Variants in EXOC4 observed in about 807,000 individuals in gnomAD.
EXOC4 encodes SEC8-like 1.
In EXOC4, 71 loss-of-function variants were observed where a neutral mutation model predicts 107.2. That is an observed-to-expected ratio of 0.66 (90% CI 0.55 to 0.81). The LOEUF (loss-of-function observed/expected upper bound fraction) is 0.81. Ranked by LOEUF, EXOC4 falls within the 30% of genes least tolerant of loss-of-function variation. The probability of loss-of-function intolerance (pLI) is 0.00; values close to 1 mark genes in which losing one functional copy is unlikely to be tolerated. For synonymous variants in EXOC4, 456 were observed against 441.2 expected, an observed-to-expected ratio of 1.03 and a Z score of -0.42; for missense variants, 1,108 against 1,189.6, an observed-to-expected ratio of 0.93 and a Z score of 1.01.
chr7:133,270,490 A>C (rs1299071977), intron 1 of EXOC4, among the ~76,000 whole-genome samples: 1 of 152,174 alleles, frequency 6.6e-6, no homozygotes, highest in African/African-American at 2.4e-5. Context: ...CAGTTGAAGA[A>C]ACTGGAGGTG....
At chr7:133,517,551 C>T (rs1482471734) in intron 9 of EXOC4, among the ~76,000 whole-genome samples, 1 of 152,172 alleles carries the variant, frequency 6.6e-6, no homozygotes, top group Admixed American at 6.5e-5. Flanking sequence ...ACAATCATGG[C>T]TGAAGGTGAA....
chr7:133,657,924 T>G (rs1365029189), intron 10 of EXOC4, among the ~76,000 whole-genome samples: 1 of 152,160 alleles, frequency 6.6e-6, no homozygotes, highest in Non-Finnish European at 1.5e-5. Context: ...AGGAATAAAA[T>G]AGACATGAGT....
intron 10 of EXOC4, among the ~76,000 whole-genome samples, chr7:133,662,924 G>A (rs766738891): frequency 2.4e-4 from 36 of 152,094 alleles, no homozygotes; most frequent in South Asian, 4.1e-4. Flanking sequence ...GACCTGCTTC[G>A]TTTTTATAAG....
chr7:133,340,423 CTTT>C (rs200341512), intron 5 of EXOC4, among the ~76,000 whole-genome samples: 2 of 129,558 alleles, frequency 1.5e-5, no homozygotes, highest in African/African-American at 2.8e-5. Context: ...TAGTATTTTT[CTTT>C]TTTTTTTTTT....
At chr7:133,763,218 C>G (rs1796069225) in intron 10 of EXOC4, among the ~76,000 whole-genome samples, 1 of 152,134 alleles carries the variant, frequency 6.6e-6, no homozygotes, top group South Asian at 2.1e-4. Context: ...GCCACAGCCT[C>G]TGCTTCCAGG....
chr7:133,816,340 T>C (rs1181090827), intron 10 of EXOC4, among the ~76,000 whole-genome samples: 1 of 152,132 alleles, frequency 6.6e-6, no homozygotes, highest in South Asian at 2.1e-4. Flanking sequence ...AATAATAAAT[T>C]TATTTTGTTA....
At chr7:133,384,485 C>T (rs1311757539) in intron 7 of EXOC4, among the ~76,000 whole-genome samples, 1 of 152,082 alleles carries the variant, frequency 6.6e-6, no homozygotes, top group Admixed American at 6.6e-5. Flanking sequence ...TAAGTGTGCT[C>T]ATCAAGATTT....
In EXOC4 at chr7:133,642,493, C is replaced by CG. The variant is rs546495032; in HGVS notation, c.1514+12352_1514+12353insG. On this transcript the variant is annotated intron_variant, in intron 10 of 17. Transcript: ENST00000253861. ...AAGTTCTACTTAGAAGATCCTTGTC[C>CG]CTCTTACCCCACACGTCTAGTGTTG... Among the ~76,000 whole-genome samples the CG allele has an allele frequency of 6.6e-5, 10 of 152,288 alleles. No individual in the cohort carries two copies. In the South Asian group the frequency reaches 2.1e-3, roughly 32 times the overall value.
At chr7:134,090,369 T>G in the EXOC4 span, among the ~76,000 whole-genome samples, 1 of 152,196 alleles carries the variant, frequency 6.6e-6, no homozygotes, top group Non-Finnish European at 1.5e-5. Context: ...CTGACCAGTT[T>G]GTTGGGCCAT....
intron 10 of EXOC4, among the ~76,000 whole-genome samples, chr7:133,812,205 G>C (rs1797249515): frequency 6.6e-6 from 1 of 152,112 alleles, no homozygotes; most frequent in South Asian, 2.1e-4. Context: ...CCTCATCAGA[G>C]TTTATGTAAG....
chr7:133,289,023 C>T lies in EXOC4; in HGVS notation c.378C>T (p.Asn126=), dbSNP rs529493969. The change falls in exon 3 of 18, where the codon AAC becomes AAT. Residue 126 remains asparagine (N), a synonymous_variant. Coordinates refer to ENST00000253861, the MANE Select transcript of EXOC4 (RefSeq NM_021807.4). ...GAATTGAGCATAAGCATGTCCTGAA[C>T]TTGTTGGATGAAATTGAGAATATCA... ...IEGIEHKHVL[N]LLDEIENIKQ... 1.2e-6 allele frequency: 2 copies of T among 1,614,178 alleles called. No individual in the cohort carries two copies. Among genetic ancestry groups the T allele is most frequent in the South Asian group, 1.1e-5 (1 of 91,070 alleles).
chr7:133,980,798 C>T (rs562074625), intron 14 of EXOC4, among the ~76,000 whole-genome samples: 4 of 138,698 alleles, frequency 2.9e-5, no homozygotes, highest in African/African-American at 1.0e-4. Flanking sequence ...TCTATATGAA[C>T]TGTTAATTAT....
At chr7:133,755,781 C>T (rs886313127) in intron 10 of EXOC4, among the ~76,000 whole-genome samples, 1 of 152,152 alleles carries the variant, frequency 6.6e-6, no homozygotes, top group Admixed American at 6.5e-5. Flanking sequence ...TGCTCAACCA[C>T]CCTGAGCCTC....
At chr7:133,453,842 G>A (rs754268442) in intron 7 of EXOC4, among the ~76,000 whole-genome samples, 1 of 152,022 alleles carries the variant, frequency 6.6e-6, no homozygotes, top group African/African-American at 2.4e-5. Context: ...TATATGTTAA[G>A]TGCATAACTT....
intron 11 of EXOC4, among the ~76,000 whole-genome samples, chr7:133,830,392 G>A (rs1797784349): frequency 1.3e-5 from 2 of 152,380 alleles, no homozygotes; most frequent in Non-Finnish European, 1.5e-5. Context: ...GCCTCGTGAA[G>A]AGGAGGAGTA....
intron 9 of EXOC4, among the ~76,000 whole-genome samples, chr7:133,584,766 A>G (rs1184863561): frequency 1.3e-5 from 2 of 151,596 alleles, no homozygotes; most frequent in African/African-American, 2.4e-5. Flanking sequence ...TCTAGTAGAG[A>G]TGGGGTTTTG....
chr7:133,350,005 A>G (rs924459141), intron 5 of EXOC4, among the ~76,000 whole-genome samples: 3 of 152,128 alleles, frequency 2.0e-5, no homozygotes, highest in African/African-American at 7.2e-5. Context: ...TGTCTATTCA[A>G]GTCCCTTGCA....
intron 9 of EXOC4, among the ~76,000 whole-genome samples, chr7:133,585,973 G>A (rs911112582): frequency 2.2e-4 from 33 of 152,142 alleles, no homozygotes; most frequent in Admixed American, 6.5e-4. Context: ...GGGATTACAC[G>A]TGTGAACCAC....
intron 10 of EXOC4, among the ~76,000 whole-genome samples, chr7:133,790,858 C>G (rs1796688524): frequency 6.6e-6 from 1 of 152,224 alleles, no homozygotes; most frequent in Non-Finnish European, 1.5e-5. Flanking sequence ...ATAGCTTTCA[C>G]AAGCATTAAA....
Sources: allele counts gnomAD v4.1 joint callset (sites outside exome capture counted in the v4.1 genomes callset), GRCh38; gene constraint gnomAD v4.1.1; transcripts MANE v1.5; gene names NCBI Gene and HGNC (gene_info 2026-07-23, HGNC 2026-07-21).